Variants in PPP1R13B observed in about 807,000 individuals in gnomAD.
PPP1R13B encodes the protein apoptosis-stimulating of p53 protein 1.
PPP1R13B carries 44 observed loss-of-function variants against 119.8 expected under a neutral mutation model. That is an observed-to-expected ratio of 0.37 (90% CI 0.29 to 0.47). The LOEUF (loss-of-function observed/expected upper bound fraction) is 0.47. Ranked by LOEUF, PPP1R13B falls within the 20% of genes least tolerant of loss-of-function variation. The pLI is 0.99. For missense variants in PPP1R13B, 1,227 were observed against 1,413.5 expected, an observed-to-expected ratio of 0.87 and a Z score of 2.12; for synonymous variants, 542 against 561.5, an observed-to-expected ratio of 0.97 and a Z score of 0.49.
chr14:103,811,215 A>G lies in PPP1R13B; in HGVS notation c.10-13697T>C, dbSNP rs575429694. Among the ~76,000 whole-genome samples, 5 of 152,270 alleles carry G rather than the reference A, an allele frequency of 3.3e-5. No individual in the cohort carries two copies. The South Asian group carries it at 1.0e-3, about 32-fold the overall frequency. On this transcript the variant is annotated intron_variant, in intron 1 of 16. Transcript: ENST00000202556. ...GAACAAACACTGAATTTTAAACCAC[A>G]GACTATGACCTCTTAGTGGGCTCTA... is the stretch of plus-strand genomic sequence containing the variant.
At chr14:103,767,377 CT>C (rs1247042785) in intron 4 of PPP1R13B, among the ~76,000 whole-genome samples, 1 of 151,870 alleles carries the variant, frequency 6.6e-6, no homozygotes, top group Admixed American at 6.6e-5. Flanking sequence ...AACTGGATGC[CT>C]TTTCTGCTTG....
At chr14:103,737,477 G>A (rs979088366) in intron 15 of PPP1R13B, 20 of 494,696 alleles carry the variant, frequency 4.0e-5, no homozygotes, top group Non-Finnish European at 6.6e-5. Flanking sequence ...TTGGGAGGCT[G>A]AAGTGGGAGG....
upstream of PPP1R13B, chr14:103,848,479 C>A (rs1055430839): frequency 1.0e-6 from 1 of 985,490 alleles, no homozygotes. Flanking sequence ...TCGGGGCCCC[C>A]CACATGGTGC....
intron 16 of PPP1R13B, 33 bp from the exon 17 acceptor site, chr14:103,735,228 A>C: frequency 6.2e-7 from 1 of 1,612,754 alleles, no homozygotes; most frequent in Non-Finnish European, 8.5e-7. Flanking sequence ...CAGGACAGGA[A>C]GCCACACACA....
intron 2 of PPP1R13B, among the ~76,000 whole-genome samples, chr14:103,791,792 CA>C (rs2085628337): frequency 6.6e-6 from 1 of 152,070 alleles, no homozygotes; most frequent in Non-Finnish European, 1.5e-5. Context: ...TTGAAAGTAG[CA>C]TTTTTTTATA....
chr14:103,784,726 T>C (rs2152025262), intron 3 of PPP1R13B, 69 bp downstream of exon 3: 1 of 1,467,434 alleles, frequency 6.8e-7, no homozygotes. Flanking sequence ...ATTTAATATT[T>C]ATTCCTATTT....
In PPP1R13B at chr14:103,760,364, T is replaced by C. The variant is rs117358885; in HGVS notation, c.355-2613A>G. On this transcript the variant is annotated intron_variant, in intron 4 of 16. Transcript: ENST00000202556. ...TTACCTAATTCTTCCCTATTTCTCT[T>C]CATTGATTGCATCTAATAAGAAGAA... is the stretch of plus-strand genomic sequence containing the variant. Among the ~76,000 whole-genome samples, 957 of 152,332 alleles carry C rather than the reference T, an allele frequency of 6.3e-3. 3 individuals are homozygous for C. Among genetic ancestry groups the C allele is most frequent in the Non-Finnish European group, 8.3e-3 (563 of 68,030 alleles).
At chr14:103,790,648 T>C (rs7157887) in intron 2 of PPP1R13B, among the ~76,000 whole-genome samples, 19,899 of 151,814 alleles carry the variant, frequency 0.13, 1,981 homozygotes, top group African/African-American at 0.27. Flanking sequence ...GAGGTGGAGG[T>C]TGCAGTGAGC....
rs2084282299 is a variant in PPP1R13B, at chr14:103,742,444, G to A, written c.1321-153C>T. ...GGGCACACTGTTGAGCTCATTGCCT[G>A]TCTGCAAAAGTTCTGACCGAAAGGT... On this transcript the variant is annotated intron_variant, in intron 10 of 16. Coordinates refer to ENST00000202556, the MANE Select transcript of PPP1R13B (RefSeq NM_015316.3). The surrounding 1 kb of genome is among the most constrained non-coding windows in gnomAD (Gnocchi z 4.9). 6.6e-6 allele frequency among the ~76,000 whole-genome samples: 1 copy of A among 152,228 alleles called. No homozygotes were observed. Among genetic ancestry groups the A allele is most frequent in the South Asian group, 2.1e-4 (1 of 4,832 alleles).
chr14:103,787,716 A>G (rs66509671), intron 2 of PPP1R13B, among the ~76,000 whole-genome samples: 65,182 of 146,316 alleles, frequency 0.45, 14,924 homozygotes, highest in African/African-American at 0.56. Context: ...GCAGTGGCGC[A>G]ATCTCGGCTC....
At chr14:103,743,713 C>T (rs1002479339) in intron 9 of PPP1R13B, among the ~76,000 whole-genome samples, 5 of 152,234 alleles carry the variant, frequency 3.3e-5, no homozygotes, top group Admixed American at 2.0e-4. Context: ...CCAGCACAGG[C>T]AGGAGGGGAT....
intron 1 of PPP1R13B, among the ~76,000 whole-genome samples, chr14:103,827,133 G>A (rs915543737): frequency 2.0e-5 from 3 of 151,940 alleles, no homozygotes; most frequent in Admixed American, 2.0e-4. Flanking sequence ...GACCATCCTG[G>A]TTAACACGGT....
intron 7 of PPP1R13B, among the ~76,000 whole-genome samples, chr14:103,751,723 G>T (rs1250577852): frequency 1.3e-5 from 2 of 152,198 alleles, no homozygotes; most frequent in Non-Finnish European, 2.9e-5. Context: ...GCGGCTCTCT[G>T]CAAGCCAGGG....
At chr14:103,837,119 A>G (rs73350521) in intron 1 of PPP1R13B, among the ~76,000 whole-genome samples, 3,516 of 152,310 alleles carry the variant, frequency 0.023, 138 homozygotes, top group African/African-American at 0.08. Context: ...GAGCACAAAG[A>G]TGGACAAAGT....
intron 1 of PPP1R13B, among the ~76,000 whole-genome samples, chr14:103,825,485 G>A (rs2086516673): frequency 1.3e-5 from 2 of 152,170 alleles, no homozygotes; most frequent in African/African-American, 4.8e-5. Flanking sequence ...GCTACCCAGT[G>A]AACACACAAA....
chr14:103,792,163 A>G (rs2085636773), intron 2 of PPP1R13B, among the ~76,000 whole-genome samples: 1 of 103,106 alleles, frequency 9.7e-6, no homozygotes, highest in Non-Finnish European at 2.0e-5. Flanking sequence ...GTTTCCCTCT[A>G]TTCATCGTGT....
intron 2 of PPP1R13B, among the ~76,000 whole-genome samples, chr14:103,789,232 T>TGGG (rs1223415048): frequency 6.6e-6 from 1 of 151,548 alleles, no homozygotes; most frequent in Admixed American, 6.6e-5. Context: ...ATTTTTTTTT[T>TGGG]GGGGGGGATG....
At chr14:103,737,907 T>C in intron 14 of PPP1R13B, 47 bp from the exon 15 acceptor site, 9 of 1,567,356 alleles carry the variant, frequency 5.7e-6, no homozygotes, top group South Asian at 1.2e-5. Context: ...CTGCCTGTCC[T>C]GTAGGACGTG....
intron 7 of PPP1R13B, among the ~76,000 whole-genome samples, chr14:103,750,349 G>C (rs1431004329): frequency 6.6e-6 from 1 of 152,220 alleles, no homozygotes; most frequent in Non-Finnish European, 1.5e-5. Flanking sequence ...GAGTCACCAA[G>C]TGAAGCACCT....
Sources: allele counts gnomAD v4.1 joint callset (sites outside exome capture counted in the v4.1 genomes callset), GRCh38; gene constraint gnomAD v4.1.1; non-coding constraint Gnocchi (gnomAD v3.1); transcripts MANE v1.5; gene names NCBI Gene and HGNC (gene_info 2026-07-23, HGNC 2026-07-21).